Variants in TRIM23 observed in about 807,000 individuals in gnomAD.
TRIM23 encodes the protein E3 ubiquitin-protein ligase TRIM23.
In TRIM23, 27 loss-of-function variants were observed where a neutral mutation model predicts 71.0. The ratio of observed to expected loss-of-function variants is 0.38; its 90% CI spans 0.28 to 0.52. TRIM23 has a LOEUF of 0.52. Ranked by LOEUF, TRIM23 falls within the 20% of genes least tolerant of loss-of-function variation. The pLI, the probability that TRIM23 is intolerant of heterozygous loss-of-function variation, is 0.84. For missense variants in TRIM23, 482 were observed against 692.3 expected (o/e 0.70, Z 3.41); for synonymous variants, 234 against 238.0 (o/e 0.98, Z 0.16).
intron 3 of TRIM23, 150 bp downstream of exon 3, chr5:65,613,948 T>C: frequency 6.6e-7 from 1 of 1,525,798 alleles, no homozygotes; most frequent in South Asian, 1.2e-5. Flanking sequence ...TTGGGAATAG[T>C]GTTGGCCTTC....
At chr5:65,607,139 CCT>C (rs1754530227) in intron 6 of TRIM23, 1 of 152,114 alleles carries the variant, frequency 6.6e-6, no homozygotes, top group South Asian at 2.1e-4. Context: ...TCCATCCATT[CCT>C]CTGTTCAATT....
chr5:65,608,279 A>G (rs1379887854), intron 6 of TRIM23, among the ~76,000 whole-genome samples: 1 of 152,146 alleles, frequency 6.6e-6, no homozygotes, highest in Non-Finnish European at 1.5e-5. Context: ...CCAGCTGGCA[A>G]CACAATTATG....
chr5:65,617,663 C>T (rs1754811288), intron 2 of TRIM23, among the ~76,000 whole-genome samples: 1 of 152,140 alleles, frequency 6.6e-6, no homozygotes, highest in South Asian at 2.1e-4. Flanking sequence ...GCTACAAACA[C>T]TTCTGTCCTT....
chr5:65,590,076 T>C lies in TRIM23; in HGVS notation c.*1693A>G, dbSNP rs1753977081. 2 of 401,122 alleles carry C rather than the reference T, an allele frequency of 5.0e-6. No individual in the cohort carries two copies. Among genetic ancestry groups the C allele is most frequent in the African/African-American group, 4.2e-5 (2 of 48,076 alleles). 24.8% of individuals were successfully genotyped at this position (401,122 alleles called of 1,614,324 possible). A position where few individuals can be genotyped will look rare whatever the true frequency, so the allele number is the denominator to read the frequency against. On this transcript the variant is annotated 3_prime_UTR_variant, in exon 11 of 11. Coordinates refer to ENST00000231524, the MANE Select transcript of TRIM23 (RefSeq NM_001656.4). ...TTTTCAACTGTGTTCAGTTATATGC[T>C]AAGAATGTGCATTACAAAGTTTAGC...
chr5:65,620,004 G>A (rs1226676082), intron 1 of TRIM23, among the ~76,000 whole-genome samples: 2 of 152,196 alleles, frequency 1.3e-5, no homozygotes, highest in Non-Finnish European at 2.9e-5. Flanking sequence ...ATAATTGCTT[G>A]AGCCTGGGAG....
Position 65,604,750 on chromosome 5 carries a change from C to T in TRIM23, c.1179+161G>A, listed in dbSNP as rs968963704. The T allele has an allele frequency of 3.1e-5, 17 of 553,520 alleles. No individual in the cohort carries two copies. The South Asian group carries it at 3.2e-4, about 10-fold the overall frequency. The allele number at this position is 553,520 out of a possible 1,614,324, so 34.3% of individuals were successfully genotyped here. A position where few individuals can be genotyped will look rare whatever the true frequency, so the allele number is the denominator to read the frequency against. ...ATTCCAATTTTAGTATATGTGCTGC[C>T]GAAGTGAGCACACCATTTCTATTTT... is the stretch of plus-strand genomic sequence containing the variant. On this transcript the variant is annotated intron_variant, in intron 7 of 10. Transcript: ENST00000231524.
chr5:65,620,349 G>A (rs1754897519), intron 1 of TRIM23, among the ~76,000 whole-genome samples: 1 of 152,074 alleles, frequency 6.6e-6, no homozygotes, highest in Non-Finnish European at 1.5e-5. Flanking sequence ...GACAAAATCT[G>A]TATGTTACTC....
At position 65,591,645 on chromosome 5, in the gene TRIM23, TTATATATATA is replaced by T. The variant is rs10644434; in HGVS notation, c.*114_*123del. 38 of 717,298 alleles carry T rather than the reference TTATATATATA, an allele frequency of 5.3e-5. No homozygotes were observed. Among genetic ancestry groups the T allele is most frequent in the Admixed American group, 2.0e-4 (4 of 20,462 alleles). 44.4% of individuals were successfully genotyped at this position (717,298 alleles called of 1,614,324 possible). A position where few individuals can be genotyped will look rare whatever the true frequency, so the allele number is the denominator to read the frequency against. On this transcript the variant is annotated 3_prime_UTR_variant, in exon 11 of 11. Transcript: ENST00000231524. Reference sequence around the variant, plus strand: ...ACTGAATTCCCAATCCAAGATTCCTTTATATATATATATATATATATGCATCCTAAATTAC... The same window carrying T: ...ACTGAATTCCCAATCCAAGATTCCTTTATATATATATGCATCCTAAATTAC...
Position 65,624,246 on chromosome 5 carries a change from C to A in TRIM23, c.29G>T (p.Gly10Val). 2 of 1,614,226 alleles carry A rather than the reference C, an allele frequency of 1.2e-6. No homozygotes were observed. Among genetic ancestry groups the A allele is most frequent in the Non-Finnish European group, 1.7e-6 (2 of 1,180,040 alleles). The change falls in exon 1 of 11, where the codon GGA (glycine) becomes GTA (valine). Residue 10 changes from glycine (G) to valine (V), a missense_variant. Transcript: ENST00000231524. MATLVVNKL[G>V]AGVDSGRQGS... The stretch of plus-strand genomic sequence containing the variant: ...CTGCCGGCCACTGTCTACTCCCGCT[C>A]CGAGCTTGTTTACAACCAGGGTAGC...
At position 65,591,714 on chromosome 5, in the gene TRIM23, C is replaced by T; in HGVS notation, c.*55G>A. The T allele has an allele frequency of 6.6e-7, 1 of 1,525,070 alleles. No individual in the cohort carries two copies. Among genetic ancestry groups the T allele is most frequent in the Non-Finnish European group, 8.8e-7 (1 of 1,131,722 alleles). The allele number at this position is 1,525,070 out of a possible 1,614,324, so 94.5% of individuals were successfully genotyped here. Reference sequence around the variant, plus strand: ...GAGATGTATAATTTCTTAAAACATACTATGTGCAAAGTTACTTTTAACCAC... The same window carrying T: ...GAGATGTATAATTTCTTAAAACATATTATGTGCAAAGTTACTTTTAACCAC... On this transcript the variant is annotated 3_prime_UTR_variant, in exon 11 of 11. Coordinates refer to ENST00000231524, the MANE Select transcript of TRIM23 (RefSeq NM_001656.4).
chr5:65,606,030 T>C (rs778619759), intron 6 of TRIM23, among the ~76,000 whole-genome samples: 7 of 152,354 alleles, frequency 4.6e-5, no homozygotes, highest in Non-Finnish European at 7.3e-5. Flanking sequence ...AATTCCTTCC[T>C]TCCATTTTTG....
At chr5:65,599,458 A>G (rs1257028278) in intron 7 of TRIM23, among the ~76,000 whole-genome samples, 1 of 152,228 alleles carries the variant, frequency 6.6e-6, no homozygotes, top group Admixed American at 6.5e-5. Flanking sequence ...TTGGTGCAAA[A>G]GCAACTGCGG....
chr5:65,606,770 A>G (rs1347162992), intron 6 of TRIM23: 2 of 152,058 alleles, frequency 1.3e-5, no homozygotes, highest in African/African-American at 2.4e-5. Flanking sequence ...TACCCTGACT[A>G]CTCTACTTAT....
intron 2 of TRIM23, among the ~76,000 whole-genome samples, chr5:65,617,265 T>G (rs1754800172): frequency 6.6e-6 from 1 of 152,198 alleles, no homozygotes; most frequent in African/African-American, 2.4e-5. Flanking sequence ...ACCATGTTTC[T>G]TAGCATTTCA....
chr5:65,595,028 TA>T (rs1373640986), intron 9 of TRIM23, among the ~76,000 whole-genome samples: 2 of 152,188 alleles, frequency 1.3e-5, no homozygotes, highest in East Asian at 3.8e-4. Context: ...AATAAAAGAC[TA>T]AAAGATAAAA....
At chr5:65,608,421 C>T (rs893648542) in intron 6 of TRIM23, among the ~76,000 whole-genome samples, 2 of 152,124 alleles carry the variant, frequency 1.3e-5, no homozygotes, top group Admixed American at 1.3e-4. Flanking sequence ...TAAATGATAA[C>T]CCAAGACTGA....
intron 7 of TRIM23, among the ~76,000 whole-genome samples, chr5:65,604,452 A>T (rs116075140): frequency 0.019 from 2,907 of 152,248 alleles, 69 homozygotes; most frequent in African/African-American, 0.058. Context: ...AAAATATTTC[A>T]TAGATGAAAT....
rs754738540 is a variant in TRIM23, at chr5:65,624,174, G to A, written c.81+20C>T. 25 of 1,613,984 alleles carry A rather than the reference G, an allele frequency of 1.5e-5. No homozygotes were observed. The highest frequency in any genetic ancestry group is 2.7e-5 in the African/African-American group (2 of 74,942). On this transcript the variant is annotated intron_variant, in intron 1 of 10. Coordinates refer to ENST00000231524, the MANE Select transcript of TRIM23 (RefSeq NM_001656.4). ...GAAGGGAGGCCGATGGTGGAGAATAGAGCACGCAAGGTCCCTCACCTTCAC... is the reference window on the plus strand; with the variant it reads ...GAAGGGAGGCCGATGGTGGAGAATAAAGCACGCAAGGTCCCTCACCTTCAC...
intron 10 of TRIM23, 113 bp from the exon 11 acceptor site, chr5:65,592,061 A>T: frequency 2.0e-6 from 2 of 1,004,164 alleles, no homozygotes; most frequent in South Asian, 4.0e-5. Flanking sequence ...CCTAAACAAA[A>T]AACCTAGATT....
Sources: allele counts gnomAD v4.1 joint callset (sites outside exome capture counted in the v4.1 genomes callset), GRCh38; gene constraint gnomAD v4.1.1; transcripts MANE v1.5; gene names NCBI Gene and HGNC (gene_info 2026-07-23, HGNC 2026-07-21).